The following SNTG2 variants were observed in gnomAD, a reference collection of about 807,000 sequenced individuals.
The protein encoded by SNTG2 is gamma-2-syntrophin.
Under a neutral mutation model 70.9 loss-of-function variants are expected in SNTG2, and 74 were observed. The ratio of observed to expected loss-of-function variants is 1.04; its 90% CI spans 0.86 to 1.27. SNTG2 has a LOEUF of 1.27. Among genes scored for constraint, SNTG2 ranks in the 50% most tolerant of loss-of-function variants. SNTG2 has a pLI of 0.00. For missense variants in SNTG2, 717 were observed against 690.7 expected, an observed-to-expected ratio of 1.04 and a Z score of -0.43; for synonymous variants, 278 against 273.8, an observed-to-expected ratio of 1.02 and a Z score of -0.15.
chr2:1,316,524 A>G, intron 16 of SNTG2, 149 bp downstream of exon 16: 1 of 211,702 alleles, frequency 4.7e-6, no homozygotes, highest in Non-Finnish European at 8.6e-6. Flanking sequence ...AAAATTAGGC[A>G]ATAAATACGC....
intron 4 of SNTG2, among the ~76,000 whole-genome samples, chr2:1,116,124 A>G (rs922675512): frequency 6.6e-6 from 1 of 152,208 alleles, no homozygotes; most frequent in African/African-American, 2.4e-5. Flanking sequence ...ATGTAATCGT[A>G]GGTGGTTGGA....
At chr2:952,919 C>A (rs1242627514) in intron 1 of SNTG2, among the ~76,000 whole-genome samples, 1 of 152,098 alleles carries the variant, frequency 6.6e-6, no homozygotes, top group Non-Finnish European at 1.5e-5. Flanking sequence ...ATTTTCTTAC[C>A]ATAACTGCAC....
At chr2:1,104,615 G>C (rs7575165) in intron 4 of SNTG2, among the ~76,000 whole-genome samples, 24,288 of 152,138 alleles carry the variant, frequency 0.16, 2,097 homozygotes, top group African/African-American at 0.2. Context: ...ACTTGTCAGC[G>C]TGGCCCAAGC....
chr2:1,164,647 G>C lies in SNTG2; in HGVS notation c.412-901G>C, dbSNP rs192679043. ...AGTCTCTGTGTAGAGGAGAGGGCGA[G>C]GTGGGATACACCTGCCCTAGGAGGA... is the stretch of plus-strand genomic sequence containing the variant. On this transcript the variant is annotated intron_variant, in intron 6 of 16. Coordinates refer to ENST00000308624, the MANE Select transcript of SNTG2 (RefSeq NM_018968.4). Among the ~76,000 whole-genome samples, 381 of 151,962 alleles carry C rather than the reference G, an allele frequency of 2.5e-3. 2 individuals are homozygous for C. The highest frequency in any genetic ancestry group is 9.0e-3 in the African/African-American group (374 of 41,394).
At chr2:1,029,881 C>T (rs1660713517) in intron 1 of SNTG2, among the ~76,000 whole-genome samples, 1 of 152,202 alleles carries the variant, frequency 6.6e-6, no homozygotes, top group Admixed American at 6.5e-5. Flanking sequence ...TCTTTCTAGT[C>T]AAGTACTCTG....
intron 15 of SNTG2, among the ~76,000 whole-genome samples, chr2:1,309,947 T>C (rs552174834): frequency 1.3e-5 from 2 of 152,314 alleles, no homozygotes; most frequent in African/African-American, 2.4e-5. Flanking sequence ...GCTCTTAATA[T>C]TATTTGGAAG....
chr2:1,335,096 C>T (rs989399200), intron 16 of SNTG2, among the ~76,000 whole-genome samples: 1 of 152,162 alleles, frequency 6.6e-6, no homozygotes, highest in Admixed American at 6.5e-5. Context: ...GTTTTTGTCT[C>T]TCAACTTGGG....
At chr2:1,291,125 C>A (rs141342663) in intron 14 of SNTG2, among the ~76,000 whole-genome samples, 1 of 152,120 alleles carries the variant, frequency 6.6e-6, no homozygotes, top group African/African-American at 2.4e-5. Flanking sequence ...CATCTTTCCA[C>A]GTGCTGATGG....
rs80138567 is a variant in SNTG2, at chr2:1,317,755, C to G, written c.1488+1380C>G. ...GTTGGGATTCTGGAGCATTGAGCAT[C>G]AGGCCAGCATTGGAGAAGGTTGGGA... On this transcript the variant is annotated intron_variant, in intron 16 of 16. Transcript: ENST00000308624. Among the ~76,000 whole-genome samples the G allele has an allele frequency of 1.2e-3, 41 of 34,012 alleles. 2 individuals carry two copies. The highest frequency in any genetic ancestry group is 2.7e-3 in the African/African-American group (29 of 10,868). The allele number at this position is 34,012 out of a possible 152,430, so 22.3% of individuals were successfully genotyped here.
chr2:1,306,685 A>AGAGTGT (rs1553276236), intron 14 of SNTG2, among the ~76,000 whole-genome samples: 3 of 149,006 alleles, frequency 2.0e-5, no homozygotes, highest in South Asian at 4.3e-4. Context: ...CCAGGGTGTG[A>AGAGTGT]GTGTGTGTGT....
intron 6 of SNTG2, among the ~76,000 whole-genome samples, chr2:1,145,567 C>G (rs947805410): frequency 2.6e-5 from 4 of 152,298 alleles, no homozygotes; most frequent in South Asian, 2.1e-4. Flanking sequence ...TAGTTAATAA[C>G]TTTCTCAAAC....
intron 8 of SNTG2, among the ~76,000 whole-genome samples, chr2:1,196,213 A>T (rs983503365): frequency 1.3e-5 from 2 of 152,178 alleles, no homozygotes; most frequent in African/African-American, 4.8e-5. Flanking sequence ...GAACTCAATA[A>T]CTCAATGGAT....
At chr2:1,334,012 G>A (rs1465459353) in intron 16 of SNTG2, among the ~76,000 whole-genome samples, 1 of 152,062 alleles carries the variant, frequency 6.6e-6, no homozygotes, top group African/African-American at 2.4e-5. Context: ...GACAACCCAC[G>A]GAAAGGGATA....
At chr2:1,285,149 C>G (rs372416689) in intron 14 of SNTG2, among the ~76,000 whole-genome samples, 226 of 152,176 alleles carry the variant, frequency 1.5e-3, no homozygotes, top group Middle Eastern at 6.8e-3. Flanking sequence ...GGCTGGGAGG[C>G]TAGGCCAATC....
intron 1 of SNTG2, among the ~76,000 whole-genome samples, chr2:1,066,339 A>G (rs1663149635): frequency 6.6e-6 from 1 of 152,082 alleles, no homozygotes; most frequent in South Asian, 2.1e-4. Flanking sequence ...TCAACTTTTG[A>G]AGCATTGGTT....
chr2:1,030,421 T>G (rs1357820079), intron 1 of SNTG2, among the ~76,000 whole-genome samples: 1 of 152,150 alleles, frequency 6.6e-6, no homozygotes, highest in African/African-American at 2.4e-5. Context: ...ACAGAGACAC[T>G]TGGCCTGTGA....
intron 14 of SNTG2, among the ~76,000 whole-genome samples, chr2:1,286,378 A>C (rs899083538): frequency 6.6e-6 from 1 of 152,266 alleles, no homozygotes; most frequent in Admixed American, 6.5e-5. Context: ...AAGTATTGTC[A>C]CCTAGTTGGC....
At chr2:1,261,927 A>G (rs1242793125) in intron 13 of SNTG2, among the ~76,000 whole-genome samples, 2 of 152,190 alleles carry the variant, frequency 1.3e-5, no homozygotes, top group East Asian at 3.9e-4. Context: ...ATCCCGCTCT[A>G]TTCCACGTGC....
intron 8 of SNTG2, among the ~76,000 whole-genome samples, chr2:1,201,075 T>C (rs1347488689): frequency 6.6e-6 from 1 of 152,004 alleles, no homozygotes; most frequent in East Asian, 1.9e-4. Flanking sequence ...GAAATCAGTA[T>C]ATCAAAGGGA....
Sources: allele counts gnomAD v4.1 joint callset (sites outside exome capture counted in the v4.1 genomes callset), GRCh38; gene constraint gnomAD v4.1.1; transcripts MANE v1.5; gene names NCBI Gene and HGNC (gene_info 2026-07-23, HGNC 2026-07-21).